ADAMTS16: variants seen among roughly 807,000 people sequenced by gnomAD.
The protein encoded by ADAMTS16 is ADAM metallopeptidase with thrombospondin type 1 motif 16, also known as A disintegrin and metalloproteinase with thrombospondin motifs 16.
Under a neutral mutation model 145.8 loss-of-function variants are expected in ADAMTS16, and 94 were observed. The ratio of observed to expected loss-of-function variants is 0.64; its 90% CI spans 0.55 to 0.77. The LOEUF (loss-of-function observed/expected upper bound fraction) is 0.77, where lower values mean the gene tolerates loss of function less well. Among genes scored for constraint, ADAMTS16 ranks in the 30% least tolerant of loss-of-function variants. The pLI is 0.00. For synonymous variants in ADAMTS16, 659 were observed against 604.3 expected (o/e 1.09, Z -1.33); for missense variants, 1,585 against 1,591.5 (o/e 1.00, Z 0.07).
intron 10 of ADAMTS16, among the ~76,000 whole-genome samples, chr5:5,212,654 G>A (rs12517397): frequency 0.88 from 133,667 of 152,120 alleles, 58,836 homozygotes; most frequent in East Asian, 1. Context: ...CCATTCTTTT[G>A]CTTTCAATTT....
At position 5,262,686 on chromosome 5, in the gene ADAMTS16, A is replaced by G; in HGVS notation, c.2692A>G (p.Arg898Gly). ...GATGACCGTGAGAGAGGGCTGCTAC[A>G]GAGACCTGAAGTTTCAAGTAAATAT... is the stretch of plus-strand genomic sequence containing the variant. The part of the protein sequence containing the change: ...GQMTVREGCY[R>G]DLKFQVNMSF... Residue 898 changes from arginine to glycine, a missense_variant, in exon 18 of 23, where the codon AGA becomes GGA. Coordinates refer to ENST00000274181, the MANE Select transcript of ADAMTS16 (RefSeq NM_139056.4). 1 of 1,614,236 alleles carries G rather than the reference A, an allele frequency of 6.2e-7. No homozygotes were observed. Among genetic ancestry groups the G allele is most frequent in the South Asian group, 1.1e-5 (1 of 91,074 alleles).
At chr5:5,309,793 C>T (rs1740342893) in intron 21 of ADAMTS16, among the ~76,000 whole-genome samples, 1 of 150,288 alleles carries the variant, frequency 6.7e-6, no homozygotes, top group African/African-American at 2.5e-5. Context: ...CTGGAGAGTG[C>T]ATGTGTGGGT....
rs1324918608 is a variant in ADAMTS16, at chr5:5,240,822, AAATTTATCTTGAATTCTTTCCTTGATC to A, written c.2523+919_2523+945del. 4.6e-5 allele frequency among the ~76,000 whole-genome samples: 7 copies of A among 152,288 alleles called. No homozygotes were observed. In the East Asian group the frequency reaches 5.8e-4, roughly 13 times the overall value. On this transcript the variant is annotated intron_variant, in intron 16 of 22. Transcript: ENST00000274181. ...TCTTTCATCCTATCCCTTTATAAAC[AAATTTATCTTGAATTCTTTCCTTGATC>A]AATTTATCTTGAATTCTTTCCATGA...
intron 3 of ADAMTS16, among the ~76,000 whole-genome samples, chr5:5,172,776 T>C (rs761283787): frequency 3.3e-5 from 5 of 152,184 alleles, no homozygotes; most frequent in African/African-American, 4.8e-5. Flanking sequence ...TAATGCAGAT[T>C]AATTCTAATG....
At chr5:5,280,045 T>A (rs1343820556) in intron 18 of ADAMTS16, among the ~76,000 whole-genome samples, 1 of 152,130 alleles carries the variant, frequency 6.6e-6, no homozygotes, top group African/African-American at 2.4e-5. Context: ...TATTTTTATC[T>A]GTAGAGTATT....
intron 9 of ADAMTS16, among the ~76,000 whole-genome samples, chr5:5,202,440 A>G (rs1735987161): frequency 6.6e-6 from 1 of 152,234 alleles, no homozygotes; most frequent in African/African-American, 2.4e-5. Flanking sequence ...CATGATGCAT[A>G]GGAGTACATT....
At position 5,275,759 on chromosome 5, in the gene ADAMTS16, C is replaced by T. The variant is rs562120156; in HGVS notation, c.2789+12976C>T. Among the ~76,000 whole-genome samples the T allele has an allele frequency of 9.2e-5, 14 of 152,238 alleles. No individual in the cohort carries two copies. The East Asian group carries it at 2.7e-3, about 29-fold the overall frequency. On this transcript the variant is annotated intron_variant, in intron 18 of 22. Coordinates refer to ENST00000274181, the MANE Select transcript of ADAMTS16 (RefSeq NM_139056.4). ...TATTATTATTTTTTGACTCGGCTTA[C>T]ATTTCTTAATTATTTTTATTTTTAA...
At chr5:5,147,217 C>G (rs1656955127) in intron 3 of ADAMTS16, among the ~76,000 whole-genome samples, 1 of 152,178 alleles carries the variant, frequency 6.6e-6, no homozygotes, top group Non-Finnish European at 1.5e-5. Flanking sequence ...AGATTCTTGG[C>G]AGCAAATGAA....
chr5:5,217,809 C>CT (rs1736478983), intron 10 of ADAMTS16, among the ~76,000 whole-genome samples: 1 of 152,340 alleles, frequency 6.6e-6, no homozygotes, highest in East Asian at 1.9e-4. Context: ...GGTTTTGACT[C>CT]TTTTCTGCCC....
intron 3 of ADAMTS16, among the ~76,000 whole-genome samples, chr5:5,178,552 A>T (rs898433431): frequency 6.6e-6 from 1 of 152,268 alleles, no homozygotes; most frequent in Admixed American, 6.5e-5. Flanking sequence ...TTATCAAGGC[A>T]TATCAAAATA....
At chr5:5,152,346 T>C (rs1734494175) in intron 3 of ADAMTS16, among the ~76,000 whole-genome samples, 1 of 152,236 alleles carries the variant, frequency 6.6e-6, no homozygotes, top group African/African-American at 2.4e-5. Context: ...GCTTCCTGTC[T>C]TGAAACTTTA....
rs1436600618 is a variant in ADAMTS16, at chr5:5,146,185, T to C, written c.231T>C (p.His77=). 6.2e-7 allele frequency: 1 copy of C among 1,614,204 alleles called. No individual in the cohort carries two copies. The highest frequency in any genetic ancestry group is 1.7e-5 in the Admixed American group (1 of 60,020). ...ACCACAGGGGCGATTACGTGTCCCATGAAATCATGCACCATCAGCGGCGGA... is the reference window on the plus strand; with the variant it reads ...ACCACAGGGGCGATTACGTGTCCCACGAAATCATGCACCATCAGCGGCGGA... ...EVDHRGDYVS[H]EIMHHQRRRR... is the part of the protein sequence containing the mutation. Residue 77 remains histidine (H), a synonymous_variant, in exon 3 of 23, where the codon CAT becomes CAC. Transcript: ENST00000274181.
chr5:5,193,198 C>T (rs911309854), intron 8 of ADAMTS16, among the ~76,000 whole-genome samples: 3 of 151,416 alleles, frequency 2.0e-5, no homozygotes, highest in African/African-American at 7.3e-5. Context: ...TGTATGTTTG[C>T]GTGTGTATAC....
At chr5:5,161,484 G>C (rs963422866) in intron 3 of ADAMTS16, among the ~76,000 whole-genome samples, 6 of 152,188 alleles carry the variant, frequency 3.9e-5, no homozygotes, top group African/African-American at 7.2e-5. Context: ...TGAAACTGTA[G>C]AGTCGATAAG....
chr5:5,220,359 T>C (rs12652088), intron 10 of ADAMTS16, among the ~76,000 whole-genome samples: 68,961 of 146,928 alleles, frequency 0.47, 17,221 homozygotes, highest in East Asian at 0.7. Flanking sequence ...CGGGTTTCAC[T>C]GTGTTAGCCA....
chr5:5,215,275 C>T (rs1343957039), intron 10 of ADAMTS16, among the ~76,000 whole-genome samples: 1 of 152,136 alleles, frequency 6.6e-6, no homozygotes, highest in Non-Finnish European at 1.5e-5. Flanking sequence ...GTGATAAAAG[C>T]ATCTCACTGC....
intron 2 of ADAMTS16, among the ~76,000 whole-genome samples, chr5:5,142,730 G>C (rs1025964086): frequency 2.0e-5 from 3 of 152,238 alleles, no homozygotes; most frequent in South Asian, 4.2e-4. Flanking sequence ...ATCATTCTTG[G>C]TGGCTGAAGT....
chr5:5,278,328 A>G (rs2126465926), intron 18 of ADAMTS16, among the ~76,000 whole-genome samples: 1 of 152,276 alleles, frequency 6.6e-6, no homozygotes, highest in South Asian at 2.1e-4. Context: ...AGATTATCCT[A>G]TTATCCATTG....
intron 12 of ADAMTS16, 99 bp from the exon 13 acceptor site, chr5:5,234,915 T>C (rs2913630): frequency 0.75 from 722,162 of 967,792 alleles, 273,330 homozygotes; most frequent in East Asian, 0.82. Context: ...TAATTACCCA[T>C]TCTAACACTC....
Sources: gnomAD v4.1 joint callset for allele counts (sites outside exome capture counted in the v4.1 genomes callset) on GRCh38, gnomAD v4.1.1 for gene constraint, MANE v1.5 for transcripts, NCBI Gene and HGNC (gene_info 2026-07-23, HGNC 2026-07-21) for gene names.